MYH15: variants seen among roughly 807,000 people sequenced by gnomAD.
The protein encoded by MYH15 is myosin heavy chain 15, also known as myosin-15.
MYH15 carries 227 observed loss-of-function variants against 240.5 expected under a neutral mutation model. The observed-to-expected ratio is 0.94, with a 90% confidence interval of 0.85 to 1.05. The LOEUF is 1.05. Among genes scored for constraint, MYH15 ranks in the 50% least tolerant of loss-of-function variants. The pLI is 0.00. For missense variants in MYH15, 2,217 were observed against 2,247.5 expected (o/e 0.99, Z 0.27); for synonymous variants, 785 against 796.7 (o/e 0.99, Z 0.25).
intron 8 of MYH15, among the ~76,000 whole-genome samples, chr3:108,492,812 A>T (rs908983379): frequency 2.0e-5 from 3 of 152,146 alleles, no homozygotes; most frequent in Non-Finnish European, 2.9e-5. Context: ...TTAGCTGGGC[A>T]TGGTGGCACA....
At chr3:108,406,274 G>A (rs1228825948) in intron 32 of MYH15, among the ~76,000 whole-genome samples, 1 of 152,210 alleles carries the variant, frequency 6.6e-6, no homozygotes, top group Non-Finnish European at 1.5e-5. Flanking sequence ...TTAGCTACAG[G>A]CAGTCCTAAG....
intron 32 of MYH15, among the ~76,000 whole-genome samples, chr3:108,406,613 T>C (rs2082548114): frequency 6.6e-6 from 1 of 152,180 alleles, no homozygotes; most frequent in African/African-American, 2.4e-5. Context: ...ATAATGTGAG[T>C]TTTATGGCTT....
chr3:108,407,526 G>A (rs745539256), intron 32 of MYH15, among the ~76,000 whole-genome samples: 4 of 152,272 alleles, frequency 2.6e-5, no homozygotes, highest in South Asian at 2.1e-4. Context: ...TGTCTTCTTA[G>A]AGGTCCTTTC....
intron 19 of MYH15, among the ~76,000 whole-genome samples, chr3:108,456,459 T>G (rs944565735): frequency 6.6e-6 from 1 of 152,194 alleles, no homozygotes; most frequent in South Asian, 2.1e-4. Flanking sequence ...CAGCTACGAT[T>G]AAGTATACAC....
intron 31 of MYH15, among the ~76,000 whole-genome samples, chr3:108,408,781 T>C (rs1024188763): frequency 4.6e-5 from 7 of 152,178 alleles, no homozygotes; most frequent in African/African-American, 1.4e-4. Flanking sequence ...TCAACATTAG[T>C]GGCTGCCATT....
At chr3:108,394,596 C>CA (rs976280683) in intron 35 of MYH15, among the ~76,000 whole-genome samples, 9 of 151,930 alleles carry the variant, frequency 5.9e-5, no homozygotes, top group African/African-American at 2.2e-4. Flanking sequence ...CAGAAACAAA[C>CA]AAAAAAAATC....
chr3:108,428,155 T>C (rs1207664794), intron 27 of MYH15, among the ~76,000 whole-genome samples: 1 of 152,198 alleles, frequency 6.6e-6, no homozygotes, highest in Non-Finnish European at 1.5e-5. Context: ...GAGGAGCACT[T>C]ATAACAAAAG....
At chr3:108,396,828 T>C (rs2082465218) in intron 35 of MYH15, among the ~76,000 whole-genome samples, 1 of 152,204 alleles carries the variant, frequency 6.6e-6, no homozygotes. Flanking sequence ...CACAAACTAA[T>C]TACAACATCT....
chr3:108,526,038 G>A (rs1317764510), intron 1 of MYH15, among the ~76,000 whole-genome samples: 1 of 152,086 alleles, frequency 6.6e-6, no homozygotes, highest in Non-Finnish European at 1.5e-5. Flanking sequence ...GTTCTGAGCT[G>A]CTCATCTATA....
chr3:108,444,683 G>C lies in MYH15; in HGVS notation c.2612C>G (p.Ser871Cys). 6.2e-7 allele frequency: 1 copy of C among 1,614,046 alleles called. No individual in the cohort carries two copies. The highest frequency in any genetic ancestry group is 8.5e-7 in the Non-Finnish European group (1 of 1,179,948). The change falls in exon 22 of 41, where the codon TCC becomes TGC. Residue 871 changes from serine (S) to cysteine (C), a missense_variant. Transcript: ENST00000693548. Reference protein sequence around the residue: ...QREELKAKQVSLTQEKNDLIL... With the variant: ...QREELKAKQVCLTQEKNDLIL... ...CAGGTCATTTTTTTCCTGAGTGAGGGATACTTGCTTTGCTTTCAGTTCCTC... is the reference window on the plus strand; with the variant it reads ...CAGGTCATTTTTTTCCTGAGTGAGGCATACTTGCTTTGCTTTCAGTTCCTC...
At chr3:108,498,004 G>A in intron 6 of MYH15, 48 bp downstream of exon 6, 1 of 1,537,372 alleles carries the variant, frequency 6.5e-7, no homozygotes, top group Non-Finnish European at 9.0e-7. Context: ...CCATGATCCA[G>A]TGGATAGGGC....
the MYH15 span, among the ~76,000 whole-genome samples, chr3:108,545,694 T>TACACACAC: frequency 0.016 from 2,436 of 149,140 alleles, 76 homozygotes; most frequent in African/African-American, 0.057. Flanking sequence ...AATATACACA[T>TACACACAC]ACACACACAC....
intron 12 of MYH15, among the ~76,000 whole-genome samples, chr3:108,471,422 A>G (rs1031323166): frequency 4.0e-5 from 6 of 151,500 alleles, no homozygotes; most frequent in African/African-American, 1.5e-4. Flanking sequence ...ATTGACAAAG[A>G]CTCTCTCCTT....
chr3:108,425,334 A>G (rs1278622021), intron 27 of MYH15, among the ~76,000 whole-genome samples: 2 of 152,226 alleles, frequency 1.3e-5, no homozygotes, highest in African/African-American at 2.4e-5. Context: ...TTAAGCAGGG[A>G]CATAATTCAA....
At chr3:108,508,491 C>T (rs1440969045) in intron 1 of MYH15, among the ~76,000 whole-genome samples, 1 of 152,110 alleles carries the variant, frequency 6.6e-6, no homozygotes, top group African/African-American at 2.4e-5. Context: ...TTTTGGCCTT[C>T]GTATTCTCAT....
At chr3:108,435,830 A>T (rs944877403) in intron 25 of MYH15, among the ~76,000 whole-genome samples, 2 of 138,430 alleles carry the variant, frequency 1.4e-5, no homozygotes, top group African/African-American at 5.3e-5. Context: ...ACATATATGT[A>T]TATGTATACA....
At chr3:108,527,728 T>G (rs2083683679) in intron 1 of MYH15, among the ~76,000 whole-genome samples, 1 of 152,170 alleles carries the variant, frequency 6.6e-6, no homozygotes, top group Admixed American at 6.6e-5. Flanking sequence ...GAGTGGGCTC[T>G]GAAGTCAGGC....
chr3:108,528,793 G>T (rs1399337272), intron 1 of MYH15, among the ~76,000 whole-genome samples: 3 of 152,166 alleles, frequency 2.0e-5, no homozygotes, highest in Non-Finnish European at 4.4e-5. Flanking sequence ...TATAGACCAT[G>T]CTCTTAACTA....
At chr3:108,491,164 A>G (rs1299873446) in intron 9 of MYH15, among the ~76,000 whole-genome samples, 1 of 152,190 alleles carries the variant, frequency 6.6e-6, no homozygotes, top group Non-Finnish European at 1.5e-5. Flanking sequence ...CTGGGATTAC[A>G]GGTAGGAGTC....
Sources: gnomAD v4.1 joint callset for allele counts (sites outside exome capture counted in the v4.1 genomes callset) on GRCh38, gnomAD v4.1.1 for gene constraint, MANE v1.5 for transcripts, NCBI Gene and HGNC (gene_info 2026-07-23, HGNC 2026-07-21) for gene names.